YJEFN3: variants seen among roughly 807,000 people sequenced by gnomAD.
YJEFN3 encodes the protein YjeF N-terminal domain containing 3, also known as yjeF N-terminal domain-containing protein 3.
In YJEFN3, 29 loss-of-function variants were observed where a neutral mutation model predicts 31.5. That is an observed-to-expected ratio of 0.92 (90% confidence interval 0.69 to 1.26). The LOEUF (loss-of-function observed/expected upper bound fraction) is 1.26, where lower values mean the gene tolerates loss of function less well. Among genes scored for constraint, YJEFN3 ranks in the 50% most tolerant of loss-of-function variants. YJEFN3 has a pLI of 0.00. For synonymous variants in YJEFN3, 227 were observed against 196.1 expected (o/e 1.16, Z -1.32); for missense variants, 442 against 425.4 (o/e 1.04, Z -0.34).
At chr19:19,531,202 A>G (rs1252935560) in intron 2 of YJEFN3, among the ~76,000 whole-genome samples, 3 of 152,208 alleles carry the variant, frequency 2.0e-5, no homozygotes, top group Non-Finnish European at 4.4e-5. Flanking sequence ...GTTGAAGGAA[A>G]GAGTCTCAGG....
At chr19:19,536,569 C>T (rs2061211649) in intron 6 of YJEFN3, among the ~76,000 whole-genome samples, 1 of 151,962 alleles carries the variant, frequency 6.6e-6, no homozygotes, top group South Asian at 2.1e-4. Flanking sequence ...GTCCTAGTTA[C>T]TTGGGAGGCT....
At chr19:19,533,032 C>T in intron 3 of YJEFN3, 1 of 1,194,706 alleles carries the variant, frequency 8.4e-7, no homozygotes, top group African/African-American at 1.6e-5. Context: ...GCTTCTGCCA[C>T]CTCCTGGGTC....
Position 19,528,911 on chromosome 19 carries a change from G to T in YJEFN3, c.-22G>T. The T allele has an allele frequency of 6.5e-7, 1 of 1,546,702 alleles. No homozygotes were observed. Among genetic ancestry groups the T allele is most frequent in the East Asian group, 2.4e-5 (1 of 40,844 alleles). On this transcript the variant is annotated 5_prime_UTR_variant, in exon 1 of 7. Coordinates refer to ENST00000514277, the MANE Select transcript of YJEFN3 (RefSeq NM_198537.4). ...GGCGGTGGCGGTGGCGGCAGCGCCC[G>T]GCGCCCGGGCTCACCTCGGCCATGA... is the stretch of plus-strand genomic sequence containing the variant.
In YJEFN3 at chr19:19,532,724, C is replaced by T; in HGVS notation, c.302C>T (p.Ala101Val). Residue 101 changes from alanine (A) to valine (V), a missense_variant, in exon 3 of 7, where the codon GCC becomes GTC. Transcript: ENST00000514277. The part of the protein sequence containing the change: ...QLVELCGHAS[A>V]VAVTKAFPLP... ...GTGGAGCTGTGCGGTCATGCTAGTGCCGTGGCTGTGACCAAGGTACCTGAC... is the reference window on the plus strand; with the variant it reads ...GTGGAGCTGTGCGGTCATGCTAGTGTCGTGGCTGTGACCAAGGTACCTGAC... 1.3e-6 allele frequency: 2 copies of T among 1,571,068 alleles called. No individual in the cohort carries two copies. The highest frequency in any genetic ancestry group is 2.4e-5 in the East Asian group (1 of 42,500).
At position 19,537,414 on chromosome 19, in the gene YJEFN3, TCCGGGCGCCACCACTTCGTGG is replaced by T; in HGVS notation, c.795_815del (p.His267_Arg273del). On this transcript the variant is annotated inframe_deletion, in exon 7 of 7. Transcript: ENST00000514277. ...GCCCAAGCGCTGCGCTGGCCGCTTC[TCCGGGCGCCACCACTTCGTGG>T]CCGGCAGGTTCGTGCCCGATGACGT... 6.3e-7 allele frequency: 1 copy of T among 1,591,762 alleles called. No individual in the cohort carries two copies. The highest frequency in any genetic ancestry group is 8.5e-7 in the Non-Finnish European group (1 of 1,175,074).
Position 19,535,615 on chromosome 19 carries a change from C to T in YJEFN3, c.630C>T (p.Cys210=). The change falls in exon 6 of 7, where the codon TGC becomes TGT. Residue 210 remains cysteine (C), a synonymous_variant. Transcript: ENST00000514277. ...AGCCGGGCGAGGTCGGGGGCCCCTG[C>T]ACCCGCGCGCTGGCCACGCTCAAGC... ...GVEPGEVGGP[C]TRALATLKLL... The T allele has an allele frequency of 6.3e-7, 1 of 1,586,092 alleles. No individual in the cohort carries two copies. Among genetic ancestry groups the T allele is most frequent in the Non-Finnish European group, 8.6e-7 (1 of 1,166,194 alleles).
intron 2 of YJEFN3, 137 bp from the exon 3 acceptor site, chr19:19,532,495 C>T: frequency 1.9e-6 from 1 of 529,694 alleles, no homozygotes; most frequent in East Asian, 3.5e-5. Context: ...CAGCTCAAGG[C>T]TGCAGACGCT....
rs1353301103 is a variant in YJEFN3, at chr19:19,535,318, C to T, written c.430-19C>T. The T allele has an allele frequency of 2.5e-6, 4 of 1,609,424 alleles. No individual in the cohort carries two copies. The highest frequency in any genetic ancestry group is 3.4e-6 in the Non-Finnish European group (4 of 1,176,922). On this transcript the variant is annotated intron_variant, in intron 4 of 6. Transcript: ENST00000514277. ...TGACCAGGTCAGGGGAGTCTGACCC[C>T]CTCTTCTCCCACCCCCAGGAGTATG...
At chr19:19,535,166 G>A (rs772371358) in intron 4 of YJEFN3, 22 bp downstream of exon 4, 27 of 1,578,422 alleles carry the variant, frequency 1.7e-5, no homozygotes, top group South Asian at 4.6e-5. Flanking sequence ...GGACCCCTTC[G>A]ACCTCCCAAA....
In YJEFN3 at chr19:19,534,220, C is replaced by T. The variant is rs2061184886; in HGVS notation, c.319-814C>T. 1 of 934,870 alleles carries T rather than the reference C, an allele frequency of 1.1e-6. No homozygotes were observed. 57.9% of individuals were successfully genotyped at this position (934,870 alleles called of 1,614,324 possible). ...GAGACAGATGGAGAGAGACAGATAACAGAGAGATACAGAGACAGCCAGAGA... is the reference window on the plus strand; with the variant it reads ...GAGACAGATGGAGAGAGACAGATAATAGAGAGATACAGAGACAGCCAGAGA... On this transcript the variant is annotated intron_variant, in intron 3 of 6. Transcript: ENST00000514277. This position sits in a 1 kb window ranked among gnomAD's most constrained non-coding sequence, Gnocchi z 4.6.
At chr19:19,532,799 G>T in intron 3 of YJEFN3, 59 bp downstream of exon 3, 2 of 1,374,628 alleles carry the variant, frequency 1.5e-6, no homozygotes, top group Non-Finnish European at 2.0e-6. Context: ...CTCCTGAGCT[G>T]CATGACTGCT....
In YJEFN3 at chr19:19,534,909, C is replaced by T; in HGVS notation, c.319-125C>T. On this transcript the variant is annotated intron_variant, in intron 3 of 6. Coordinates refer to ENST00000514277, the MANE Select transcript of YJEFN3 (RefSeq NM_198537.4). This position sits in a 1 kb window ranked among gnomAD's most constrained non-coding sequence, Gnocchi z 4.6. ...CCCCTCATCCAGAACAGCTCACCTC[C>T]TGTCCTATCCTGTTGCCTCCAGGCC... The T allele has an allele frequency of 1.4e-6, 1 of 717,200 alleles. No individual in the cohort carries two copies. Among genetic ancestry groups the T allele is most frequent in the Non-Finnish European group, 2.2e-6 (1 of 462,350 alleles). The allele number at this position is 717,200 out of a possible 1,614,324, so 44.4% of individuals were successfully genotyped here.
At chr19:19,533,258 C>CTA in intron 3 of YJEFN3, 1 of 987,010 alleles carries the variant, frequency 1.0e-6, no homozygotes, top group Non-Finnish European at 1.2e-6. Flanking sequence ...AATAATCATA[C>CTA]TATGGAGTGC....
intron 3 of YJEFN3, 24 bp downstream of exon 3, chr19:19,532,764 C>A: frequency 6.6e-7 from 1 of 1,519,612 alleles, no homozygotes; most frequent in Non-Finnish European, 8.9e-7. Flanking sequence ...GACCCCCAAC[C>A]CTGACCCCAA....
At chr19:19,533,747 G>A in intron 3 of YJEFN3, 6 of 985,410 alleles carry the variant, frequency 6.1e-6, no homozygotes, top group Non-Finnish European at 7.2e-6. Context: ...TAGATCCCGG[G>A]TGAGGCGCCC....
Position 19,535,716 on chromosome 19 carries a change from G to A in YJEFN3, c.694+37G>A, listed in dbSNP as rs548789232. 8 of 1,541,410 alleles carry A rather than the reference G, an allele frequency of 5.2e-6. No homozygotes were observed. The African/African-American group carries it at 5.5e-5, about 11-fold the overall frequency. ...AGAGGGGGGCACATTGGGGCCTGGG[G>A]GGCTTGGGTGGAGGCCCCTGTGCCC... On this transcript the variant is annotated intron_variant, in intron 6 of 6. Coordinates refer to ENST00000514277, the MANE Select transcript of YJEFN3 (RefSeq NM_198537.4).
At chr19:19,529,908 C>A (rs2061137922) in intron 2 of YJEFN3, among the ~76,000 whole-genome samples, 1 of 152,188 alleles carries the variant, frequency 6.6e-6, no homozygotes, top group Admixed American at 6.5e-5. Context: ...TTCCCAGAGC[C>A]CTCGGGAGCC....
In YJEFN3 at chr19:19,537,301, C is replaced by T. The variant is rs771609029; in HGVS notation, c.695-18C>T. ...CCACCCTCCCAGTTCCCAATCCCCCCGGACCCTCCTCCCTCAGGCTGGGAC... is the reference window on the plus strand; with the variant it reads ...CCACCCTCCCAGTTCCCAATCCCCCTGGACCCTCCTCCCTCAGGCTGGGAC... On this transcript the variant is annotated intron_variant, in intron 6 of 6. Transcript: ENST00000514277. The T allele has an allele frequency of 2.6e-6, 4 of 1,567,648 alleles. No homozygotes were observed. The highest frequency in any genetic ancestry group is 2.6e-6 in the Non-Finnish European group (3 of 1,162,430).
At chr19:19,530,616 T>G (rs2061146241) in intron 2 of YJEFN3, among the ~76,000 whole-genome samples, 1 of 151,808 alleles carries the variant, frequency 6.6e-6, no homozygotes, top group African/African-American at 2.4e-5. Context: ...AAGATGGAGG[T>G]GGAGGAATGA....
Sources: allele counts gnomAD v4.1 joint callset (sites outside exome capture counted in the v4.1 genomes callset), GRCh38; gene constraint gnomAD v4.1.1; non-coding constraint Gnocchi (gnomAD v3.1); transcripts MANE v1.5; gene names NCBI Gene and HGNC (gene_info 2026-07-23, HGNC 2026-07-21).